NAPB: variants seen among roughly 807,000 people sequenced by gnomAD.
The protein encoded by NAPB is beta-soluble NSF attachment protein.
A neutral mutation model predicts 44.7 loss-of-function variants in NAPB; 26 were observed. That is an observed-to-expected ratio of 0.58 (90% CI 0.43 to 0.81). The LOEUF (loss-of-function observed/expected upper bound fraction) is 0.81. Among genes scored for constraint, NAPB ranks in the 30% least tolerant of loss-of-function variants. The pLI is 0.00. For missense variants in NAPB, 315 were observed against 356.4 expected (o/e 0.88, Z 0.94); for synonymous variants, 120 against 116.8 (o/e 1.03, Z -0.18).
intron 1 of NAPB, among the ~76,000 whole-genome samples, chr20:23,418,488 T>C (rs1250068794): frequency 6.6e-6 from 1 of 152,210 alleles, no homozygotes; most frequent in Non-Finnish European, 1.5e-5. Context: ...GCTTCAGTAA[T>C]TATACAATAT....
intron 7 of NAPB, among the ~76,000 whole-genome samples, chr20:23,385,386 C>A (rs988019768): frequency 1.3e-5 from 2 of 152,114 alleles, no homozygotes; most frequent in African/African-American, 2.4e-5. Context: ...AAGACTGACA[C>A]AATGAAAGAA....
intron 7 of NAPB, among the ~76,000 whole-genome samples, chr20:23,383,906 A>T (rs1983253575): frequency 6.6e-6 from 1 of 152,180 alleles, no homozygotes; most frequent in African/African-American, 2.4e-5. Context: ...GAATAGGGGG[A>T]GTAAAAGAAC....
chr20:23,394,811 C>T (rs1354323996), intron 5 of NAPB, 111 bp downstream of exon 5: 2 of 1,058,490 alleles, frequency 1.9e-6, no homozygotes, highest in East Asian at 2.5e-5. Flanking sequence ...CCAGGCAAGG[C>T]CATCTATGAC....
intron 1 of NAPB, among the ~76,000 whole-genome samples, chr20:23,420,828 C>G (rs1986360552): frequency 6.7e-6 from 1 of 149,722 alleles, no homozygotes; most frequent in Non-Finnish European, 1.5e-5. Context: ...CCAGAGTGTT[C>G]TAGGGGCTTC....
At chr20:23,379,999 A>G in intron 8 of NAPB, 64 bp from the exon 9 acceptor site, 1 of 1,343,046 alleles carries the variant, frequency 7.4e-7, no homozygotes, top group South Asian at 1.2e-5. Flanking sequence ...TCAACATTCT[A>G]TCAGCTTCAA....
chr20:23,387,748 T>G (rs1342382425), intron 7 of NAPB, among the ~76,000 whole-genome samples: 1 of 152,048 alleles, frequency 6.6e-6, no homozygotes, highest in Non-Finnish European at 1.5e-5. Context: ...AAGATCCAAA[T>G]AAATATAAAA....
At chr20:23,383,412 T>C (rs1212437999) in intron 7 of NAPB, among the ~76,000 whole-genome samples, 3 of 151,928 alleles carry the variant, frequency 2.0e-5, no homozygotes, top group Non-Finnish European at 4.4e-5. Flanking sequence ...ACAGCAGACT[T>C]CTTATCAAAA....
At chr20:23,386,515 T>C (rs959299140) in intron 7 of NAPB, among the ~76,000 whole-genome samples, 1 of 152,194 alleles carries the variant, frequency 6.6e-6, no homozygotes, top group African/African-American at 2.4e-5. Flanking sequence ...ATATCCTTTA[T>C]GAACATAGAC....
chr20:23,386,527 T>A (rs1366538925), intron 7 of NAPB, among the ~76,000 whole-genome samples: 1 of 152,086 alleles, frequency 6.6e-6, no homozygotes, highest in African/African-American at 2.4e-5. Flanking sequence ...AACATAGACA[T>A]AAAATCCTCA....
intron 2 of NAPB, among the ~76,000 whole-genome samples, chr20:23,401,160 T>C (rs1984810516): frequency 6.6e-6 from 1 of 152,122 alleles, no homozygotes; most frequent in Non-Finnish European, 1.5e-5. Context: ...GCAAAGGCTC[T>C]GAAGTGGGAG....
At chr20:23,380,394 G>A (rs1982900979) in intron 8 of NAPB, among the ~76,000 whole-genome samples, 1 of 152,142 alleles carries the variant, frequency 6.6e-6, no homozygotes, top group Non-Finnish European at 1.5e-5. Context: ...GGCTCCCAGT[G>A]CTCACTGTGC....
chr20:23,421,321 G>T lies in NAPB; in HGVS notation c.82C>A (p.Leu28Ile). 2 of 1,562,830 alleles carry T rather than the reference G, an allele frequency of 1.3e-6. No homozygotes were observed. Among genetic ancestry groups the T allele is most frequent in the Non-Finnish European group, 1.7e-6 (2 of 1,153,308 alleles). The change falls in exon 1 of 11, where the codon CTC becomes ATC. Residue 28 changes from leucine (L) to isoleucine (I), a missense_variant. This residue lies in a region of NAPB where 179 missense variants were observed against 182.5 expected (regional missense o/e 0.98). Transcript: ENST00000377026. ...EKRVKASHSF[L>I]RGLFGGNTRI... The stretch of plus-strand genomic sequence containing the variant: ...GGCGCTCACCCAAACAGCCCTCGGA[G>T]GAAGGAGTGGGAGGCCTTGACTCGC...
At position 23,421,419 on chromosome 20, in the gene NAPB, G is replaced by T; in HGVS notation, c.-17C>A. On this transcript the variant is annotated 5_prime_UTR_variant, in exon 1 of 11. Transcript: ENST00000377026. The stretch of plus-strand genomic sequence containing the variant: ...GTTGTCCATGTCGCCCGCCGCGGCC[G>T]CCACAGCCCCCTCAGCCGGCTCGCT... 2 of 1,540,144 alleles carry T rather than the reference G, an allele frequency of 1.3e-6. No homozygotes were observed. Among genetic ancestry groups the T allele is most frequent in the African/African-American group, 1.4e-5 (1 of 71,780 alleles).
chr20:23,406,905 C>A lies in NAPB; in HGVS notation c.99-3833G>T, dbSNP rs568392509. On this transcript the variant is annotated intron_variant, in intron 1 of 10. Transcript: ENST00000377026. The stretch of plus-strand genomic sequence containing the variant: ...ACAGCTAGAATTAACAGAGTTCCTA[C>A]ATTATTCCAGGTTTTATGCTAGATA... 3.3e-4 allele frequency among the ~76,000 whole-genome samples: 51 copies of A among 152,304 alleles called. 1 individual carries two copies. Among genetic ancestry groups the A allele is most frequent in the Admixed American group, 3.3e-3 (50 of 15,302 alleles).
At chr20:23,381,186 G>C (rs1982973307) in intron 8 of NAPB, 27 bp downstream of exon 8, 2 of 1,483,906 alleles carry the variant, frequency 1.3e-6, no homozygotes, top group Non-Finnish European at 1.9e-6. Context: ...GGTGAAATCA[G>C]TCAATCAATG....
intron 1 of NAPB, among the ~76,000 whole-genome samples, chr20:23,403,956 T>C (rs1985049465): frequency 1.3e-5 from 2 of 152,128 alleles, no homozygotes; most frequent in South Asian, 4.1e-4. Flanking sequence ...AGTTTAGAAA[T>C]GCATTTTGCA....
intron 5 of NAPB, among the ~76,000 whole-genome samples, chr20:23,392,310 T>G (rs1325714868): frequency 6.6e-6 from 1 of 152,204 alleles, no homozygotes; most frequent in Non-Finnish European, 1.5e-5. Flanking sequence ...TGTGTGTGAC[T>G]AAGTATTTGC....
intron 2 of NAPB, among the ~76,000 whole-genome samples, chr20:23,402,278 A>G (rs1454156286): frequency 6.6e-6 from 1 of 152,188 alleles, no homozygotes; most frequent in Non-Finnish European, 1.5e-5. Flanking sequence ...GCTCTGGTCA[A>G]CGGTGGTCTC....
chr20:23,396,643 G>A (rs1454013160), intron 3 of NAPB: 2 of 152,148 alleles, frequency 1.3e-5, no homozygotes, highest in Non-Finnish European at 2.9e-5. Flanking sequence ...ACTTTTTAAC[G>A]ATTGAATATT....
Sources: allele counts gnomAD v4.1 joint callset (sites outside exome capture counted in the v4.1 genomes callset), GRCh38; gene constraint gnomAD v4.1.1; regional missense constraint gnomAD v4.1.1; transcripts MANE v1.5; gene names NCBI Gene and HGNC (gene_info 2026-07-23, HGNC 2026-07-21).